The following KIF5A variants were observed in gnomAD, a reference collection of about 807,000 sequenced individuals.
The protein encoded by KIF5A is kinesin family member 5A, also known as kinesin heavy chain isoform 5A.
KIF5A carries 35 observed loss-of-function variants against 141.3 expected under a neutral mutation model. That is an observed-to-expected ratio of 0.25 (90% confidence interval 0.19 to 0.33). KIF5A has a LOEUF of 0.33. KIF5A is among the 10% of genes least tolerant of loss of function. The pLI is 1.00. For synonymous variants in KIF5A, 448 were observed against 500.2 expected, an observed-to-expected ratio of 0.90 and a Z score of 1.39; for missense variants, 861 against 1,314.3, an observed-to-expected ratio of 0.66 and a Z score of 5.33.
In KIF5A at chr12:57,576,753, C is replaced by T. The variant is rs762234885; in HGVS notation, c.2199-8C>T. On this transcript the variant is annotated splice_polypyrimidine_tract_variant and splice_region_variant and intron_variant, in intron 19 of 28. Transcript: ENST00000455537. ...CCCCCATCTCCATTACCTTCTGATGCTCTGTAGCCTAAATCAGAAGCTCCA... is the reference window on the plus strand; with the variant it reads ...CCCCCATCTCCATTACCTTCTGATGTTCTGTAGCCTAAATCAGAAGCTCCA... 3 of 1,603,038 alleles carry T rather than the reference C, an allele frequency of 1.9e-6. No individual in the cohort carries two copies. Among genetic ancestry groups the T allele is most frequent in the South Asian group, 2.2e-5 (2 of 90,694 alleles).
chr12:57,569,541 G>A lies in KIF5A; in HGVS notation c.975G>A (p.Lys325=), dbSNP rs780942915. Reference sequence around the variant, plus strand: ...TCCTCTTCTCCTCACCCAGGGCAAAGACCATTAAGAACACTGCCTCAGTAA... The same window carrying A: ...TCCTCTTCTCCTCACCCAGGGCAAAAACCATTAAGAACACTGCCTCAGTAA... The part of the protein sequence containing the change: ...KSTLMFGQRA[K]TIKNTASVNL... The change falls in exon 11 of 29, where the codon AAG becomes AAA. Residue 325 remains lysine (K), a synonymous_variant. Transcript: ENST00000455537. 1.2e-6 allele frequency: 2 copies of A among 1,614,142 alleles called. No individual in the cohort carries two copies. The highest frequency in any genetic ancestry group is 2.2e-5 in the South Asian group (2 of 91,072).
At position 57,572,148 on chromosome 12, in the gene KIF5A, G is replaced by A. The variant is rs757571901; in HGVS notation, c.1450G>A (p.Val484Met). Residue 484 changes from valine (V) to methionine (M), a missense_variant, in exon 14 of 29, where the codon GTG becomes ATG. Val to Met is a conservative substitution (Grantham distance 21). This residue lies in a region of KIF5A where 167 missense variants were observed against 192.0 expected (regional missense o/e 0.87). Coordinates refer to ENST00000455537, the MANE Select transcript of KIF5A (RefSeq NM_004984.4). This position sits in a 1 kb window ranked among gnomAD's most constrained non-coding sequence, Gnocchi z 4.2. Reference protein sequence around the residue: ...QSENDAAKDEVKEVLQALEEL... With the variant: ...QSENDAAKDEMKEVLQALEEL... ...AGAGAACGATGCCGCTAAGGATGAGGTGAAGGAAGTGCTGCAGGCCCTGGA... is the reference window on the plus strand; with the variant it reads ...AGAGAACGATGCCGCTAAGGATGAGATGAAGGAAGTGCTGCAGGCCCTGGA... 23 of 1,614,064 alleles carry A rather than the reference G, an allele frequency of 1.4e-5. No individual in the cohort carries two copies.
Position 57,581,111 on chromosome 12 carries a change from C to A in KIF5A, c.2694C>A (p.Asp898Glu). 6.2e-7 allele frequency: 1 copy of A among 1,614,158 alleles called. No individual in the cohort carries two copies. The highest frequency in any genetic ancestry group is 8.5e-7 in the Non-Finnish European group (1 of 1,180,022). Residue 898 changes from aspartate (D) to glutamate (E), a missense_variant, in exon 24 of 29, where the codon GAC (aspartate) becomes GAA (glutamate). Coordinates refer to ENST00000455537, the MANE Select transcript of KIF5A (RefSeq NM_004984.4). ...AGCGCCGGTACCAGCAGGAGGTGGA[C>A]CGCATCAAGGAGGCCGTTCGCTACA... The part of the protein sequence containing the change: ...KDKRRYQQEV[D>E]RIKEAVRYKS...
intron 6 of KIF5A, among the ~76,000 whole-genome samples, chr12:57,566,079 G>A (rs1195036958): frequency 6.6e-6 from 1 of 151,762 alleles, no homozygotes; most frequent in East Asian, 2.0e-4. Context: ...AGCCTGTGTA[G>A]TAGAGAGACA....
chr12:57,582,050 A>T, intron 26 of KIF5A, 98 bp downstream of exon 26: 1 of 991,622 alleles, frequency 1.0e-6, no homozygotes, highest in East Asian at 2.5e-5. Context: ...ACACTGACTG[A>T]ACCTTTCTGG....
At chr12:57,571,919 G>A (rs1018154926) in intron 13 of KIF5A, 142 bp from the exon 14 acceptor site, 2 of 724,548 alleles carry the variant, frequency 2.8e-6, no homozygotes, top group African/African-American at 1.8e-5. Context: ...TCATTCTGTT[G>A]CCCTATTTCT....
At chr12:57,580,881 C>A in intron 23 of KIF5A, 75 bp from the exon 24 acceptor site, 1 of 1,338,628 alleles carries the variant, frequency 7.5e-7, no homozygotes, top group Non-Finnish European at 1.1e-6. Flanking sequence ...CACCCCTGTC[C>A]CCTACGCTCC....
intron 15 of KIF5A, 28 bp from the exon 16 acceptor site, chr12:57,575,056 G>A: frequency 1.2e-6 from 2 of 1,610,272 alleles, no homozygotes; most frequent in Non-Finnish European, 1.7e-6. Context: ...CAGCCAAGAA[G>A]CATCTCTTCC....
At chr12:57,576,948 C>G (rs1882446793) in intron 20 of KIF5A, 86 bp downstream of exon 20, 1 of 936,172 alleles carries the variant, frequency 1.1e-6, no homozygotes, top group Non-Finnish European at 1.7e-6. Context: ...GCAGGACACA[C>G]ATGCAGACAT....
chr12:57,581,210 T>C (rs1354228836), intron 24 of KIF5A, 38 bp downstream of exon 24: 1 of 1,594,704 alleles, frequency 6.3e-7, no homozygotes, highest in South Asian at 1.1e-5. Flanking sequence ...GAGTATCTCC[T>C]GAAGCAAATT....
intron 6 of KIF5A, among the ~76,000 whole-genome samples, chr12:57,566,107 T>C (rs561773788): frequency 6.6e-6 from 1 of 150,988 alleles, no homozygotes; most frequent in African/African-American, 2.4e-5. Flanking sequence ...TTTTTGTTTG[T>C]TTGTTTTTGT....
intron 1 of KIF5A, among the ~76,000 whole-genome samples, chr12:57,561,947 T>C (rs1881919813): frequency 6.6e-6 from 1 of 152,246 alleles, no homozygotes; most frequent in Non-Finnish European, 1.5e-5. Context: ...CTCTGGCGTC[T>C]GTAGATCTTG....
rs563850487 is a variant in KIF5A, at chr12:57,551,581, G to A, written c.129+1181G>A. Among the ~76,000 whole-genome samples the A allele has an allele frequency of 9.2e-5, 14 of 152,260 alleles. No homozygotes were observed. In the South Asian group the frequency reaches 2.7e-3, roughly 29 times the overall value. On this transcript the variant is annotated intron_variant, in intron 1 of 28. Coordinates refer to ENST00000455537, the MANE Select transcript of KIF5A (RefSeq NM_004984.4). ...TCCTGTAGGGCTTGAGGGGTGCTGGGCCAGGAAACAAAAACTAGCTTGAGG... is the reference window on the plus strand; with the variant it reads ...TCCTGTAGGGCTTGAGGGGTGCTGGACCAGGAAACAAAAACTAGCTTGAGG...
At chr12:57,575,785 C>T (rs918746177) in intron 17 of KIF5A, 28 bp downstream of exon 17, 1 of 1,460,706 alleles carries the variant, frequency 6.8e-7, no homozygotes, top group African/African-American at 1.4e-5. Context: ...CTCCATCCCA[C>T]TGTCCAGGGC....
chr12:57,581,749 CT>C, intron 25 of KIF5A, 120 bp from the exon 26 acceptor site: 2 of 1,233,728 alleles, frequency 1.6e-6, no homozygotes, highest in Non-Finnish European at 2.4e-6. Context: ...TTGTTTTCCT[CT>C]GCTCTCTGGG....
intron 15 of KIF5A, among the ~76,000 whole-genome samples, chr12:57,573,055 G>A (rs913674717): frequency 3.9e-5 from 6 of 152,300 alleles, no homozygotes; most frequent in African/African-American, 1.4e-4. Context: ...GCCAGGCGTG[G>A]TGATGTGCAC....
chr12:57,564,619 GCAC>G (rs1354185105), intron 5 of KIF5A, 111 bp downstream of exon 5: 5 of 957,264 alleles, frequency 5.2e-6, no homozygotes, highest in Non-Finnish European at 8.5e-6. Context: ...AGGGCACACA[GCAC>G]CCAAGTCTTT....
At chr12:57,577,838 A>G in intron 21 of KIF5A, 65 bp downstream of exon 21, 4 of 1,412,894 alleles carry the variant, frequency 2.8e-6, no homozygotes, top group Non-Finnish European at 4.0e-6. Context: ...ATTTCTTCCT[A>G]ACCCTATTCC....
At chr12:57,570,236 T>A in intron 12 of KIF5A, 74 bp downstream of exon 12, 28 of 1,372,442 alleles carry the variant, frequency 2.0e-5, no homozygotes, top group Non-Finnish European at 2.9e-5. Context: ...AAATCGCTTA[T>A]ATTGCCTCTT....
Sources: gnomAD v4.1 joint callset for allele counts (sites outside exome capture counted in the v4.1 genomes callset) on GRCh38, gnomAD v4.1.1 for gene constraint, gnomAD v4.1.1 regional missense constraint, Gnocchi (gnomAD v3.1) non-coding constraint, MANE v1.5 for transcripts, NCBI Gene and HGNC (gene_info 2026-07-23, HGNC 2026-07-21) for gene names.